Variants in ZNF609 observed in about 807,000 individuals in gnomAD.
ZNF609 encodes zinc finger protein 609.
ZNF609 carries 11 observed loss-of-function variants against 109.5 expected under a neutral mutation model. The ratio of observed to expected loss-of-function variants is 0.10; its 90% CI spans 0.06 to 0.17. The LOEUF is 0.17. Ranked by LOEUF, ZNF609 falls within the 10% of genes least tolerant of loss-of-function variation. The pLI, the probability that ZNF609 is intolerant of heterozygous loss-of-function variation, is 1.00. For missense variants in ZNF609, 1,559 were observed against 1,772.4 expected (o/e 0.88, Z 2.16); for synonymous variants, 646 against 662.0 (o/e 0.98, Z 0.37).
In ZNF609 at chr15:64,564,308, G is replaced by T. The variant is rs1482062470; in HGVS notation, c.748-58519G>T. ...ATCCTCCAAGGTTAAGGGTAGGGGG[G>T]ACTACTGTAATTGCCTGAATGGCTC... On this transcript the variant is annotated intron_variant, in intron 2 of 9. Transcript: ENST00000326648. 2.0e-5 allele frequency among the ~76,000 whole-genome samples: 3 copies of T among 152,062 alleles called. No homozygotes were observed. The East Asian group carries it at 5.8e-4, about 29-fold the overall frequency.
intron 2 of ZNF609, among the ~76,000 whole-genome samples, chr15:64,579,409 C>T (rs967305684): frequency 2.5e-5 from 2 of 79,850 alleles, no homozygotes; most frequent in Non-Finnish European, 5.4e-5. Flanking sequence ...GACCCTGTCT[C>T]AAAAAAAAAA....
chr15:64,506,193 G>C (rs1893634751), intron 2 of ZNF609, among the ~76,000 whole-genome samples: 1 of 151,298 alleles, frequency 6.6e-6, no homozygotes. Context: ...CTGCCGCCCA[G>C]GCTGGAGTGC....
chr15:64,474,709 A>G (rs1365635521), intron 1 of ZNF609, among the ~76,000 whole-genome samples: 1 of 152,160 alleles, frequency 6.6e-6, no homozygotes, highest in Admixed American at 6.6e-5. Flanking sequence ...GTCTAGTGGG[A>G]GAGACAATTA....
intron 2 of ZNF609, among the ~76,000 whole-genome samples, chr15:64,575,806 T>A (rs1272548936): frequency 2.0e-5 from 3 of 152,158 alleles, no homozygotes; most frequent in Non-Finnish European, 4.4e-5. Flanking sequence ...ATATAAATAA[T>A]TACTTGATAT....
At chr15:64,488,926 G>A (rs374664207) in intron 1 of ZNF609, among the ~76,000 whole-genome samples, 2,529 of 63,844 alleles carry the variant, frequency 0.04, 91 homozygotes, top group African/African-American at 0.089. Context: ...AAGAAAGAAA[G>A]AAAGAAAGAA....
intron 1 of ZNF609, among the ~76,000 whole-genome samples, chr15:64,470,071 C>T (rs1453192643): frequency 6.6e-6 from 1 of 152,058 alleles, no homozygotes; most frequent in Non-Finnish European, 1.5e-5. Flanking sequence ...GTTGAGTTGC[C>T]CACAGTGTTT....
At chr15:64,513,435 A>G (rs894880881) in intron 2 of ZNF609, among the ~76,000 whole-genome samples, 8 of 152,216 alleles carry the variant, frequency 5.3e-5, no homozygotes, top group African/African-American at 1.9e-4. Context: ...TTTCAGAAGG[A>G]GACTGAGAAA....
At chr15:64,536,401 A>C (rs1359392109) in intron 2 of ZNF609, among the ~76,000 whole-genome samples, 4 of 152,080 alleles carry the variant, frequency 2.6e-5, no homozygotes, top group African/African-American at 4.8e-5. Context: ...GATTCTCCAG[A>C]CTTCCTGGGA....
At chr15:64,631,409 G>T in intron 3 of ZNF609, 2 of 732,834 alleles carry the variant, frequency 2.7e-6, no homozygotes, top group Non-Finnish European at 5.0e-6. Context: ...GACTCTTCCA[G>T]TTTAGCCGTG....
At chr15:64,473,515 T>A (rs978894812) in intron 1 of ZNF609, among the ~76,000 whole-genome samples, 1 of 151,816 alleles carries the variant, frequency 6.6e-6, no homozygotes, top group Non-Finnish European at 1.5e-5. Context: ...GGTTCTTTTT[T>A]TCGTCCTCAC....
intron 2 of ZNF609, among the ~76,000 whole-genome samples, chr15:64,612,365 G>A (rs1483675759): frequency 6.6e-6 from 1 of 151,272 alleles, no homozygotes; most frequent in Non-Finnish European, 1.5e-5. Flanking sequence ...TAGCCAGGAT[G>A]GTCTTGATCT....
intron 3 of ZNF609, 76 bp from the exon 4 acceptor site, chr15:64,670,270 T>G: frequency 8.4e-7 from 1 of 1,195,388 alleles, no homozygotes; most frequent in Non-Finnish European, 1.3e-6. Context: ...GAAGTCAGAG[T>G]GCTGATCAAA....
At position 64,675,877 on chromosome 15, in the gene ZNF609, A is replaced by G; in HGVS notation, c.3023A>G (p.Gln1008Arg). Reference protein sequence around the residue: ...NTAYRQQYEEQQKRQSLEQQQ... With the variant: ...NTAYRQQYEERQKRQSLEQQQ... ...GCTTACCGGCAGCAGTACGAAGAAC[A>G]GCAGAAACGCCAGAGCTTAGAGCAG... Residue 1008 changes from glutamine (Q) to arginine (R), a missense_variant, in exon 5 of 10, where the codon CAG (glutamine) becomes CGG (arginine). By Grantham distance (43) the Gln-to-Arg change is conservative. Around this residue, in one of 4 missense-constraint regions of ZNF609, gnomAD observed 1,204 missense variants for 1,314.1 expected, o/e 0.92. Transcript: ENST00000326648. 6.2e-7 allele frequency: 1 copy of G among 1,614,228 alleles called. No individual in the cohort carries two copies. Among genetic ancestry groups the G allele is most frequent in the South Asian group, 1.1e-5 (1 of 91,090 alleles).
chr15:64,488,445 C>T (rs1274794139), intron 1 of ZNF609, among the ~76,000 whole-genome samples: 2 of 152,160 alleles, frequency 1.3e-5, no homozygotes, highest in Non-Finnish European at 2.9e-5. Flanking sequence ...AGCCTCTGCC[C>T]TCAGGGTGGG....
At chr15:64,513,177 C>T (rs1219039400) in intron 2 of ZNF609, among the ~76,000 whole-genome samples, 2 of 151,696 alleles carry the variant, frequency 1.3e-5, no homozygotes, top group East Asian at 3.9e-4. Context: ...ATTCATATAC[C>T]ACTGTGAGTA....
chr15:64,575,419 CAA>C (rs5813309), intron 2 of ZNF609, among the ~76,000 whole-genome samples: 149 of 146,948 alleles, frequency 1.0e-3, no homozygotes, highest in African/African-American at 1.1e-3. Flanking sequence ...AACTCCATTT[CAA>C]AAAAAAAAAA....
Position 64,675,795 on chromosome 15 carries a change from C to A in ZNF609, c.2941C>A (p.Pro981Thr), listed in dbSNP as rs746731079. 1 of 1,614,154 alleles carries A rather than the reference C, an allele frequency of 6.2e-7. No homozygotes were observed. The highest frequency in any genetic ancestry group is 8.5e-7 in the Non-Finnish European group (1 of 1,180,012). The change falls in exon 5 of 10, where the codon CCC becomes ACC. Residue 981 changes from proline to threonine, a missense_variant. By Grantham distance (38) the Pro-to-Thr change is conservative. Around this residue, in one of 4 missense-constraint regions of ZNF609, gnomAD observed 1,204 missense variants for 1,314.1 expected, o/e 0.92. Transcript: ENST00000326648. Reference sequence around the variant, plus strand: ...GTACTACAACCAGTATGCCTATGTACCCCCCTATGGCTACAGCGACCAGAG... The same window carrying A: ...GTACTACAACCAGTATGCCTATGTAACCCCCTATGGCTACAGCGACCAGAG... ...SLYYNQYAYV[P>T]PYGYSDQSYH...
intron 3 of ZNF609, among the ~76,000 whole-genome samples, chr15:64,623,592 A>G (rs2140973212): frequency 6.6e-6 from 1 of 152,230 alleles, no homozygotes; most frequent in South Asian, 2.1e-4. Context: ...TACAGATTTT[A>G]TAGGAAATGT....
intron 3 of ZNF609, among the ~76,000 whole-genome samples, chr15:64,658,888 C>T (rs1896530228): frequency 6.6e-6 from 1 of 151,888 alleles, no homozygotes; most frequent in East Asian, 1.9e-4. Flanking sequence ...TTTAGAAACT[C>T]AAAGTGTGTA....
Sources: gnomAD v4.1 joint callset for allele counts (sites outside exome capture counted in the v4.1 genomes callset) on GRCh38, gnomAD v4.1.1 for gene constraint, gnomAD v4.1.1 regional missense constraint, MANE v1.5 for transcripts, NCBI Gene and HGNC (gene_info 2026-07-23, HGNC 2026-07-21) for gene names.